EXOC4: variants seen among roughly 807,000 people sequenced by gnomAD.
The protein encoded by EXOC4 is SEC8-like 1.
A neutral mutation model predicts 107.2 loss-of-function variants in EXOC4; 71 were observed. The ratio of observed to expected loss-of-function variants is 0.66; its 90% CI spans 0.55 to 0.81. The LOEUF is 0.81. Ranked by LOEUF, EXOC4 falls within the 30% of genes least tolerant of loss-of-function variation. The probability of loss-of-function intolerance (pLI) is 0.00; values close to 1 mark genes in which losing one functional copy is unlikely to be tolerated. For synonymous variants in EXOC4, 456 were observed against 441.2 expected (o/e 1.03, Z -0.42); for missense variants, 1,108 against 1,189.6 (o/e 0.93, Z 1.01).
chr7:133,489,137 G>A (rs559432873), intron 9 of EXOC4, among the ~76,000 whole-genome samples: 42 of 151,808 alleles, frequency 2.8e-4, no homozygotes, highest in African/African-American at 9.9e-4. Flanking sequence ...AAATGAAGAA[G>A]GTAAGGGCAT....
At chr7:133,847,331 C>T (rs1335947854) in intron 11 of EXOC4, among the ~76,000 whole-genome samples, 1 of 151,708 alleles carries the variant, frequency 6.6e-6, no homozygotes, top group African/African-American at 2.4e-5. Flanking sequence ...GCAGCAAGGG[C>T]AATTTTTCTA....
At chr7:134,048,784 CTT>C (rs1440971658) in intron 17 of EXOC4, among the ~76,000 whole-genome samples, 1 of 152,130 alleles carries the variant, frequency 6.6e-6, no homozygotes. Context: ...ATCCTTCTCT[CTT>C]TGAGGTTGAT....
chr7:133,289,864 A>G (rs1563004388), intron 3 of EXOC4, among the ~76,000 whole-genome samples: 1 of 152,128 alleles, frequency 6.6e-6, no homozygotes, highest in South Asian at 2.1e-4. Flanking sequence ...GAAGCTCTCT[A>G]TAGGAGCTCT....
chr7:133,729,997 G>A (rs753953665), intron 10 of EXOC4, among the ~76,000 whole-genome samples: 1 of 151,364 alleles, frequency 6.6e-6, no homozygotes, highest in Non-Finnish European at 1.5e-5. Flanking sequence ...TATAGCATTC[G>A]GATAAATAAT....
chr7:134,025,178 A>G (rs1361125002), intron 17 of EXOC4, among the ~76,000 whole-genome samples: 1 of 152,112 alleles, frequency 6.6e-6, no homozygotes, highest in Non-Finnish European at 1.5e-5. Flanking sequence ...ATAATTGTTA[A>G]TCTTAGCTTT....
At chr7:133,823,773 G>A (rs535099598) in intron 11 of EXOC4, among the ~76,000 whole-genome samples, 92 of 137,392 alleles carry the variant, frequency 6.7e-4, no homozygotes, top group African/African-American at 1.2e-3. Flanking sequence ...CCAAGATAGC[G>A]CCACTGCACT....
chr7:134,089,085 C>G, the EXOC4 span, among the ~76,000 whole-genome samples: 3 of 152,086 alleles, frequency 2.0e-5, no homozygotes, highest in Non-Finnish European at 4.4e-5. Flanking sequence ...CAGGTTTTTG[C>G]TTTAAGAAAA....
intron 6 of EXOC4, among the ~76,000 whole-genome samples, chr7:133,361,007 T>C (rs1209683461): frequency 1.3e-5 from 2 of 152,214 alleles, no homozygotes; most frequent in African/African-American, 4.8e-5. Context: ...GTTTGTCTTG[T>C]TCAGTACTGG....
intron 10 of EXOC4, among the ~76,000 whole-genome samples, chr7:133,678,965 A>G (rs897596128): frequency 2.0e-5 from 3 of 152,044 alleles, no homozygotes; most frequent in Non-Finnish European, 4.4e-5. Context: ...GGTTAATCTC[A>G]TACTTCTTTC....
intron 11 of EXOC4, among the ~76,000 whole-genome samples, chr7:133,866,055 G>A (rs1317038169): frequency 6.6e-6 from 1 of 151,886 alleles, no homozygotes. Context: ...AATAACTCTG[G>A]GACTGACAGC....
rs148634213 is a variant in EXOC4 at position 133,718,302 on chromosome 7, A to G, written c.1514+88161A>G. ...GGAAGCATTCTTATTGGTGGGGAATACAGAGGCTACTTAGGACCAAGCAGT... is the reference window on the plus strand; with the variant it reads ...GGAAGCATTCTTATTGGTGGGGAATGCAGAGGCTACTTAGGACCAAGCAGT... On this transcript the variant is annotated intron_variant, in intron 10 of 17. Coordinates refer to ENST00000253861, the MANE Select transcript of EXOC4 (RefSeq NM_021807.4). Among the ~76,000 whole-genome samples, 19 of 152,308 alleles carry G rather than the reference A, an allele frequency of 1.2e-4. No homozygotes were observed. In the East Asian group the frequency reaches 2.5e-3, roughly 20 times the overall value.
intron 9 of EXOC4, among the ~76,000 whole-genome samples, chr7:133,503,651 TG>T (rs1206215754): frequency 6.6e-6 from 1 of 152,204 alleles, no homozygotes; most frequent in African/African-American, 2.4e-5. Context: ...TCTTAGATGT[TG>T]ATGATTACAT....
At chr7:133,649,477 T>TC (rs1554376466) in intron 10 of EXOC4, among the ~76,000 whole-genome samples, 3 of 115,346 alleles carry the variant, frequency 2.6e-5, no homozygotes, top group Non-Finnish European at 5.6e-5. Context: ...CTTTTTTTTT[T>TC]TTTTTTTTAA....
Position 133,572,683 on chromosome 7 carries a change from T to G in EXOC4, c.1418-57362T>G, listed in dbSNP as rs930998500. On this transcript the variant is annotated intron_variant, in intron 9 of 17. Transcript: ENST00000253861. ...GCTTTCATGAAATGATAAACTTTAG[T>G]GTAGATACATTATTGAATTGAAGAG... 2.0e-5 allele frequency among the ~76,000 whole-genome samples: 3 copies of G among 152,182 alleles called. No individual in the cohort carries two copies. In the East Asian group the frequency reaches 5.8e-4, roughly 29 times the overall value.
intron 12 of EXOC4, among the ~76,000 whole-genome samples, chr7:133,914,286 A>G (rs1029216410): frequency 2.0e-5 from 3 of 152,230 alleles, no homozygotes; most frequent in African/African-American, 7.2e-5. Flanking sequence ...CATGAATGAA[A>G]GAGGAATTAA....
intron 11 of EXOC4, among the ~76,000 whole-genome samples, chr7:133,870,661 A>G (rs559136382): frequency 3.3e-5 from 5 of 152,312 alleles, no homozygotes; most frequent in Admixed American, 3.3e-4. Flanking sequence ...AAGAAGACAC[A>G]AGACCTCGCT....
chr7:133,341,584 T>C (rs755710983), intron 5 of EXOC4, among the ~76,000 whole-genome samples: 1 of 152,204 alleles, frequency 6.6e-6, no homozygotes, highest in Non-Finnish European at 1.5e-5. Flanking sequence ...CATTGTTTCT[T>C]TGTTGAGTTT....
At chr7:133,380,958 C>T (rs563494352) in intron 7 of EXOC4, among the ~76,000 whole-genome samples, 3 of 152,228 alleles carry the variant, frequency 2.0e-5, no homozygotes, top group South Asian at 2.1e-4. Flanking sequence ...TTTCTCTTTC[C>T]GCACTTTTCT....
At chr7:133,902,305 T>C (rs1799469230) in intron 12 of EXOC4, among the ~76,000 whole-genome samples, 1 of 152,224 alleles carries the variant, frequency 6.6e-6, no homozygotes, top group Non-Finnish European at 1.5e-5. Context: ...TCCCTAAATT[T>C]GTTAAACCTT....
Sources: gnomAD v4.1 joint callset for allele counts (sites outside exome capture counted in the v4.1 genomes callset) on GRCh38, gnomAD v4.1.1 for gene constraint, MANE v1.5 for transcripts, NCBI Gene and HGNC (gene_info 2026-07-23, HGNC 2026-07-21) for gene names.